GPC6: variants seen among roughly 807,000 people sequenced by gnomAD.
GPC6 encodes glypican-6.
A neutral mutation model predicts 55.2 loss-of-function variants in GPC6; 14 were observed. The ratio of observed to expected loss-of-function variants is 0.25; its 90% confidence interval spans 0.17 to 0.40. The LOEUF (loss-of-function observed/expected upper bound fraction) is 0.40, where lower values mean the gene tolerates loss of function less well. Ranked by LOEUF, GPC6 falls within the 10% of genes least tolerant of loss-of-function variation. GPC6 has a pLI of 1.00. For missense variants in GPC6, 641 were observed against 708.5 expected (o/e 0.90, Z 1.08); for synonymous variants, 278 against 259.6 (o/e 1.07, Z -0.68).
chr13:94,308,923 T>C (rs150758699), intron 6 of GPC6, among the ~76,000 whole-genome samples: 108 of 152,278 alleles, frequency 7.1e-4, no homozygotes, highest in African/African-American at 2.6e-3. Flanking sequence ...CACTGGAAAG[T>C]TGGGGGAGTT....
chr13:93,551,296 A>G (rs142991305), intron 2 of GPC6, among the ~76,000 whole-genome samples: 1 of 95,886 alleles, frequency 1.0e-5, no homozygotes, highest in Non-Finnish European at 2.2e-5. Context: ...CCAGCCCTTT[A>G]CTGTTTTCTA....
chr13:94,216,950 G>GT (rs1890244223), intron 4 of GPC6, among the ~76,000 whole-genome samples: 1 of 152,280 alleles, frequency 6.6e-6, no homozygotes, highest in South Asian at 2.1e-4. Flanking sequence ...TCTCAAACCA[G>GT]CTTTATCAAA....
chr13:93,305,166 A>G (rs370273667), intron 1 of GPC6, among the ~76,000 whole-genome samples: 3 of 152,308 alleles, frequency 2.0e-5, no homozygotes, highest in South Asian at 4.1e-4. Flanking sequence ...ACCAACAAGT[A>G]TAAAACAAGA....
chr13:93,322,056 T>C (rs1292188689), intron 1 of GPC6, among the ~76,000 whole-genome samples: 2 of 152,216 alleles, frequency 1.3e-5, no homozygotes, highest in East Asian at 1.9e-4. Context: ...TATACAATTG[T>C]ATAAAAAGAC....
chr13:94,232,986 C>CTTT (rs67718119), intron 4 of GPC6, among the ~76,000 whole-genome samples: 4 of 80,636 alleles, frequency 5.0e-5, no homozygotes, highest in East Asian at 3.5e-4. Context: ...GGTTTTATAA[C>CTTT]TTTTTTTTTT....
intron 3 of GPC6, among the ~76,000 whole-genome samples, chr13:93,924,394 C>T (rs138435963): frequency 5.9e-5 from 9 of 152,340 alleles, no homozygotes; most frequent in Non-Finnish European, 1.0e-4. Flanking sequence ...TCCATCAAAG[C>T]CACCATGTTT....
chr13:94,253,413 G>A (rs533781285), intron 4 of GPC6, among the ~76,000 whole-genome samples: 46 of 152,198 alleles, frequency 3.0e-4, no homozygotes, highest in Non-Finnish European at 4.3e-4. Context: ...ATAATACTGC[G>A]TTTATCTCAA....
At chr13:94,043,140 T>C (rs1042831784) in intron 4 of GPC6, among the ~76,000 whole-genome samples, 8 of 151,818 alleles carry the variant, frequency 5.3e-5, no homozygotes, top group African/African-American at 1.9e-4. Context: ...AGGATCATTT[T>C]GTATTTTTCC....
intron 1 of GPC6, among the ~76,000 whole-genome samples, chr13:93,474,162 C>A (rs555659226): frequency 6.6e-6 from 1 of 152,320 alleles, no homozygotes; most frequent in East Asian, 1.9e-4. Context: ...TAGGCCACAA[C>A]TTTCAACTTG....
chr13:93,990,918 GA>G (rs983584664), intron 3 of GPC6, among the ~76,000 whole-genome samples: 4 of 146,942 alleles, frequency 2.7e-5, no homozygotes, highest in Admixed American at 6.8e-5. Context: ...AGAGAGAAAG[GA>G]AAAAAAAGCG....
intron 2 of GPC6, among the ~76,000 whole-genome samples, chr13:93,737,841 T>C (rs551236450): frequency 6.6e-6 from 1 of 152,248 alleles, no homozygotes; most frequent in South Asian, 2.1e-4. Context: ...GAATTTGCTG[T>C]TAGTCTCAAA....
intron 5 of GPC6, among the ~76,000 whole-genome samples, chr13:94,303,982 G>A (rs1415695894): frequency 1.3e-5 from 2 of 152,072 alleles, no homozygotes; most frequent in Non-Finnish European, 1.5e-5. Context: ...GTATTGTTTC[G>A]CCTTAGGCTT....
intron 4 of GPC6, among the ~76,000 whole-genome samples, chr13:94,235,768 G>A (rs1208176968): frequency 6.6e-6 from 1 of 152,092 alleles, no homozygotes; most frequent in Non-Finnish European, 1.5e-5. Flanking sequence ...TGAATCCTTG[G>A]GAGAAAGCAG....
At chr13:93,632,595 ATG>A (rs1555318420) in intron 2 of GPC6, among the ~76,000 whole-genome samples, 892 of 50,278 alleles carry the variant, frequency 0.018, 15 homozygotes, top group Middle Eastern at 0.077. Context: ...TCTCAAATAT[ATG>A]TATATGTGTG....
At chr13:94,058,245 C>T (rs1884198107) in intron 4 of GPC6, among the ~76,000 whole-genome samples, 1 of 152,170 alleles carries the variant, frequency 6.6e-6, no homozygotes. Context: ...AAAGTTGGGA[C>T]ATACATATTT....
intron 4 of GPC6, among the ~76,000 whole-genome samples, chr13:94,125,869 A>C (rs1210617434): frequency 6.6e-6 from 1 of 152,160 alleles, no homozygotes. Flanking sequence ...ATACTTGTTG[A>C]AAAATATGCA....
chr13:93,410,861 G>A (rs1013682648), intron 1 of GPC6, among the ~76,000 whole-genome samples: 1 of 152,118 alleles, frequency 6.6e-6, no homozygotes, highest in Admixed American at 6.5e-5. Flanking sequence ...TTTAGAGAAT[G>A]TCTTTTCTTC....
At chr13:93,549,678 T>A (rs1316468864) in intron 2 of GPC6, among the ~76,000 whole-genome samples, 1 of 151,954 alleles carries the variant, frequency 6.6e-6, no homozygotes, top group Non-Finnish European at 1.5e-5. Flanking sequence ...TCCCTCTATC[T>A]CACCCTGCTG....
chr13:93,810,470 G>C (rs1886662063), intron 2 of GPC6, among the ~76,000 whole-genome samples: 1 of 152,128 alleles, frequency 6.6e-6, no homozygotes, highest in Non-Finnish European at 1.5e-5. Flanking sequence ...GGTGACTATT[G>C]TTTGTTTTTT....
Sources: allele counts gnomAD v4.1 joint callset (sites outside exome capture counted in the v4.1 genomes callset), GRCh38; gene constraint gnomAD v4.1.1; transcripts MANE v1.5; gene names NCBI Gene and HGNC (gene_info 2026-07-23, HGNC 2026-07-21).